The following PAIP1 variants were observed in gnomAD, a reference collection of about 807,000 sequenced individuals.
The protein encoded by PAIP1 is polyadenylate-binding protein-interacting protein 1.
A neutral mutation model predicts 61.3 loss-of-function variants in PAIP1; 16 were observed. The ratio of observed to expected loss-of-function variants is 0.26; its 90% CI spans 0.18 to 0.40. The LOEUF is 0.40. Among genes scored for constraint, PAIP1 ranks in the 10% least tolerant of loss-of-function variants. The pLI, the probability that PAIP1 is intolerant of heterozygous loss-of-function variation, is 1.00. For synonymous variants in PAIP1, 187 were observed against 226.2 expected, an observed-to-expected ratio of 0.83 and a Z score of 1.56; for missense variants, 416 against 600.9, an observed-to-expected ratio of 0.69 and a Z score of 3.22.
chr5:43,538,471 AT>A (rs1436196404), intron 5 of PAIP1, among the ~76,000 whole-genome samples: 1 of 152,212 alleles, frequency 6.6e-6, no homozygotes, highest in Admixed American at 6.5e-5. Flanking sequence ...AATTAAAAAA[AT>A]ATTTTTAAAA....
intron 2 of PAIP1, among the ~76,000 whole-genome samples, chr5:43,550,111 A>G (rs954898544): frequency 1.3e-5 from 2 of 152,170 alleles, no homozygotes; most frequent in African/African-American, 4.8e-5. Context: ...CTGCAGAAAT[A>G]GCAGATTCAT....
chr5:43,555,722 T>C, intron 2 of PAIP1, 108 bp downstream of exon 2: 2 of 825,298 alleles, frequency 2.4e-6, no homozygotes, highest in Admixed American at 5.6e-5. Flanking sequence ...AATAAAAAAA[T>C]TTTTTTACGT....
intron 2 of PAIP1, 95 bp from the exon 3 acceptor site, chr5:43,548,008 C>T (rs1047362749): frequency 4.4e-6 from 3 of 677,622 alleles, no homozygotes; most frequent in Non-Finnish European, 7.3e-6. Context: ...TTTTAAAGAT[C>T]CCTCACATGA....
chr5:43,555,328 T>A (rs1189254782), intron 2 of PAIP1, among the ~76,000 whole-genome samples: 1 of 152,206 alleles, frequency 6.6e-6, no homozygotes, highest in Non-Finnish European at 1.5e-5. Flanking sequence ...CCCTCCCACT[T>A]CTCTATAATT....
At chr5:43,533,823 A>C (rs1747040379) in intron 8 of PAIP1, 31 bp from the exon 9 acceptor site, 1 of 1,276,780 alleles carries the variant, frequency 7.8e-7, no homozygotes, top group African/African-American at 1.5e-5. Context: ...AAAAATATGT[A>C]ATCATTTCAG....
chr5:43,553,496 C>T (rs1579930048), intron 2 of PAIP1, among the ~76,000 whole-genome samples: 1 of 152,216 alleles, frequency 6.6e-6, no homozygotes, highest in East Asian at 1.9e-4. Flanking sequence ...GCTGTATCAC[C>T]GGTGCTTGAC....
chr5:43,542,903 C>A, intron 4 of PAIP1, 101 bp downstream of exon 4: 1 of 635,174 alleles, frequency 1.6e-6, no homozygotes, highest in African/African-American at 1.8e-5. Flanking sequence ...AATAGGCTGC[C>A]CTATTCTTTC....
chr5:43,534,737 G>A, intron 8 of PAIP1, 116 bp downstream of exon 8: 1 of 656,858 alleles, frequency 1.5e-6, no homozygotes. Flanking sequence ...GTCACTCAAA[G>A]CCAGTGAAGA....
intron 3 of PAIP1, among the ~76,000 whole-genome samples, chr5:43,543,781 T>C (rs1338343983): frequency 1.3e-5 from 2 of 152,162 alleles, no homozygotes; most frequent in Middle Eastern, 3.2e-3. Flanking sequence ...TTAACTTTAA[T>C]TGCAATTTCT....
In PAIP1 at chr5:43,535,559, C is replaced by T. The variant is rs143500985; in HGVS notation, c.1054G>A (p.Val352Ile). 1.3e-4 allele frequency: 214 copies of T among 1,586,894 alleles called. 1 individual carries two copies. The highest frequency in any genetic ancestry group is 2.7e-5 in the Non-Finnish European group (31 of 1,157,218). The change falls in exon 7 of 11, where the codon GTT (valine) becomes ATT (isoleucine). Residue 352 changes from valine (V) to isoleucine (I), a missense_variant. Physicochemically the swap from Val to Ile is conservative, Grantham distance 29. This residue lies in a region of PAIP1 where 135 missense variants were observed against 283.9 expected (regional missense o/e 0.48). Transcript: ENST00000306846. The stretch of plus-strand genomic sequence containing the variant: ...CTACTGCAGTTTGCATCTAGGACAA[C>T]GTTTTCAATTCTCTGAATAATTTCT... ...MEEIIQRIEN[V>I]VLDANCSRDV...
chr5:43,543,375 T>C (rs865908554), intron 3 of PAIP1, among the ~76,000 whole-genome samples: 1 of 149,038 alleles, frequency 6.7e-6, no homozygotes, highest in South Asian at 2.1e-4. Flanking sequence ...GAAGAGATAA[T>C]GTCTCCTGAT....
rs764334280 is a variant in PAIP1, at chr5:43,534,910, G to C, written c.1140C>G (p.Val380=). 167 of 1,609,776 alleles carry C rather than the reference G, an allele frequency of 1.0e-4. No individual in the cohort carries two copies. The highest frequency in any genetic ancestry group is 1.4e-4 in the Non-Finnish European group (160 of 1,176,416). The change falls in exon 8 of 11, where the codon GTC becomes GTG. Residue 380 remains valine, a synonymous_variant. Coordinates refer to ENST00000306846, the MANE Select transcript of PAIP1 (RefSeq NM_006451.5). ...VELRSSNWGR[V]HATSTYREAT... ...CTTCTCTATATGTTGAAGTTGCATG[G>C]ACTCTGCCCCAGTTACTTGACCGGA...
chr5:43,552,727 C>A (rs1747911712), intron 2 of PAIP1, among the ~76,000 whole-genome samples: 1 of 152,060 alleles, frequency 6.6e-6, no homozygotes, highest in Non-Finnish European at 1.5e-5. Flanking sequence ...AAAACTAGTA[C>A]CTCAAATACT....
At chr5:43,542,177 GAA>G (rs770528484) in intron 4 of PAIP1, among the ~76,000 whole-genome samples, 3 of 123,584 alleles carry the variant, frequency 2.4e-5, no homozygotes, top group African/African-American at 3.0e-5. Context: ...CTCGGTCTCG[GAA>G]AAAAAAAAAA....
At chr5:43,535,756 T>C (rs1747120326) in intron 6 of PAIP1, 116 bp from the exon 7 acceptor site, 9 of 628,210 alleles carry the variant, frequency 1.4e-5, no homozygotes, top group Non-Finnish European at 2.5e-5. Context: ...GCAAGTTTAA[T>C]ATTCCTAATT....
At chr5:43,539,306 C>T (rs977044999) in intron 4 of PAIP1, among the ~76,000 whole-genome samples, 3 of 152,032 alleles carry the variant, frequency 2.0e-5, no homozygotes, top group African/African-American at 7.3e-5. Flanking sequence ...TAGGTGTAAT[C>T]TGATTCACAG....
chr5:43,540,013 G>A (rs1383939540), intron 4 of PAIP1, among the ~76,000 whole-genome samples: 1 of 152,112 alleles, frequency 6.6e-6, no homozygotes, highest in Non-Finnish European at 1.5e-5. Flanking sequence ...TGGTTTCCAC[G>A]CAGCCAGTTT....
intron 4 of PAIP1, among the ~76,000 whole-genome samples, chr5:43,542,473 G>T (rs1747453344): frequency 6.7e-6 from 1 of 150,238 alleles, no homozygotes; most frequent in South Asian, 2.1e-4. Context: ...GGCAGAGGTT[G>T]CAGTGAGCCA....
At chr5:43,528,723 C>T (rs1328039814) in intron 10 of PAIP1, among the ~76,000 whole-genome samples, 1 of 151,764 alleles carries the variant, frequency 6.6e-6, no homozygotes, top group Non-Finnish European at 1.5e-5. Flanking sequence ...TTAAAAAAAT[C>T]TACAACACAG....
Sources: allele counts gnomAD v4.1 joint callset (sites outside exome capture counted in the v4.1 genomes callset), GRCh38; gene constraint gnomAD v4.1.1; regional missense constraint gnomAD v4.1.1; transcripts MANE v1.5; gene names NCBI Gene and HGNC (gene_info 2026-07-23, HGNC 2026-07-21).